The following TIMM23 variants were observed in gnomAD, a reference collection of about 807,000 sequenced individuals.
TIMM23 encodes mitochondrial import inner membrane translocase subunit Tim23.
In TIMM23, 19 loss-of-function variants were observed where a neutral mutation model predicts 30.7. The observed-to-expected ratio is 0.62, with a 90% CI of 0.43 to 0.91. TIMM23 has a LOEUF of 0.91. TIMM23 is among the 40% of genes least tolerant of loss of function. The probability of loss-of-function intolerance (pLI) is 0.00; values close to 1 mark genes in which losing one functional copy is unlikely to be tolerated. For missense variants in TIMM23, 202 were observed against 269.2 expected, an observed-to-expected ratio of 0.75 and a Z score of 1.75; for synonymous variants, 78 against 98.5, an observed-to-expected ratio of 0.79 and a Z score of 1.23.
chr10:45,994,893 A>C lies in TIMM23; in HGVS notation c.514+6046A>C, dbSNP rs1361611157. Among the ~76,000 whole-genome samples the C allele has an allele frequency of 5.7e-3, 869 of 151,600 alleles. 7 individuals carry two copies. The highest frequency in any genetic ancestry group is 0.011 in the South Asian group (55 of 4,828). The stretch of plus-strand genomic sequence containing the variant: ...TCATTTCCAAATCTATGAATCTGGA[A>C]GTTGAAGTTATATTTGTATTCCCAC... On this transcript the variant is annotated intron_variant, in intron 6 of 6. Coordinates refer to ENST00000580018, the MANE Select transcript of TIMM23 (RefSeq NM_006327.4).
chr10:45,991,052 G>A (rs1435433835), intron 6 of TIMM23, among the ~76,000 whole-genome samples: 5 of 152,150 alleles, frequency 3.3e-5, no homozygotes, highest in Admixed American at 1.3e-4. Context: ...TCCAAAGCCC[G>A]TTGTCTTTCT....
chr10:45,976,446 A>C (rs1182355594), intron 2 of TIMM23, among the ~76,000 whole-genome samples: 3 of 142,788 alleles, frequency 2.1e-5, no homozygotes. Context: ...CGCTGTTTCT[A>C]CTAAAAATAC....
At position 45,985,885 on chromosome 10, in the gene TIMM23, T is replaced by C. The variant is rs1837975442; in HGVS notation, c.403+444T>C. 2.0e-5 allele frequency among the ~76,000 whole-genome samples: 3 copies of C among 152,350 alleles called. No individual in the cohort carries two copies. The South Asian group carries it at 6.2e-4, about 32-fold the overall frequency. ...ACCTGAGTAGATTTCAGGCACCTAA[T>C]TGCCACAATTGGAATAGGTTCCTTG... is the stretch of plus-strand genomic sequence containing the variant. On this transcript the variant is annotated intron_variant, in intron 5 of 6. Transcript: ENST00000580018.
intron 5 of TIMM23, among the ~76,000 whole-genome samples, chr10:45,988,236 C>T (rs4935236): frequency 2.6e-5 from 4 of 152,194 alleles, no homozygotes; most frequent in African/African-American, 9.7e-5. Context: ...GGCACAGAAA[C>T]CCAGCAAGGC....
chr10:45,978,288 G>A (rs1837738724), intron 2 of TIMM23, among the ~76,000 whole-genome samples: 1 of 152,194 alleles, frequency 6.6e-6, no homozygotes, highest in Admixed American at 6.5e-5. Flanking sequence ...AGCAGGTCAA[G>A]TCTCAGCATA....
intron 6 of TIMM23, among the ~76,000 whole-genome samples, chr10:45,990,378 C>T (rs1309148408): frequency 6.6e-6 from 1 of 152,022 alleles, no homozygotes; most frequent in East Asian, 1.9e-4. Flanking sequence ...CCTCCTCAGC[C>T]TCCCAAGTGC....
At chr10:45,978,782 C>T (rs1341240229) in intron 2 of TIMM23, among the ~76,000 whole-genome samples, 90,963 of 151,568 alleles carry the variant, frequency 0.6, 27,689 homozygotes, top group Admixed American at 0.68. Context: ...ATTTCACTTG[C>T]GTATACTCCA....
intron 1 of TIMM23, among the ~76,000 whole-genome samples, chr10:45,973,117 A>G (rs868963072): frequency 0.028 from 4,322 of 152,272 alleles, 201 homozygotes; most frequent in African/African-American, 0.098. Context: ...ACACAGCGAC[A>G]TATTCTGAGC....
intron 4 of TIMM23, 24 bp downstream of exon 4, chr10:45,982,954 T>C (rs1416294651): frequency 6.2e-7 from 1 of 1,613,842 alleles, no homozygotes; most frequent in Non-Finnish European, 8.5e-7. Flanking sequence ...AACCATCTGA[T>C]GTAGTGATAC....
At chr10:45,996,774 G>A (rs1254246704) in intron 6 of TIMM23, among the ~76,000 whole-genome samples, 1 of 151,926 alleles carries the variant, frequency 6.6e-6, no homozygotes, top group Non-Finnish European at 1.5e-5. Flanking sequence ...TTGAGTCCAG[G>A]AGTGTAAGGG....
intron 6 of TIMM23, chr10:45,992,641 T>A: frequency 2.4e-6 from 1 of 410,556 alleles, no homozygotes. Context: ...CATTACAACC[T>A]CCACCTCCCG....
intron 4 of TIMM23, among the ~76,000 whole-genome samples, chr10:45,985,074 T>TTA (rs1255269385): frequency 1.3e-5 from 2 of 152,056 alleles, no homozygotes; most frequent in South Asian, 2.1e-4. Context: ...ATTCAAAGCC[T>TTA]TATATATATT....
In TIMM23 at chr10:45,982,549, C is replaced by T. The variant is rs1338510675; in HGVS notation, c.192C>T (p.Thr64=). The change falls in exon 3 of 7, where the codon ACC becomes ACT. Residue 64 remains threonine, a synonymous_variant. Coordinates refer to ENST00000580018, the MANE Select transcript of TIMM23 (RefSeq NM_006327.4). Reference sequence around the variant, plus strand: ...ATACAGATGAGTTTATTTTACCTACCGGAGCTAATAAAACCCGGGGCAGAT... The same window carrying T: ...ATACAGATGAGTTTATTTTACCTACTGGAGCTAATAAAACCCGGGGCAGAT... ...VQDTDEFILP[T]GANKTRGRFE... 2.6e-3 allele frequency: 4,248 copies of T among 1,613,774 alleles called. 30 individuals carry two copies. Among genetic ancestry groups the T allele is most frequent in the East Asian group, 0.014 (634 of 44,866 alleles).
At chr10:45,986,780 CTA>C (rs1554914834) in intron 5 of TIMM23, among the ~76,000 whole-genome samples, 4 of 147,904 alleles carry the variant, frequency 2.7e-5, no homozygotes. Context: ...TTTTTTTAAT[CTA>C]TTTTTTCTTA....
chr10:45,994,634 G>T (rs1316743966), intron 6 of TIMM23, among the ~76,000 whole-genome samples: 25 of 131,920 alleles, frequency 1.9e-4, no homozygotes, highest in Admixed American at 1.1e-3. Flanking sequence ...TAGAGACGGG[G>T]TTTCACCATG....
intron 6 of TIMM23, among the ~76,000 whole-genome samples, chr10:45,991,071 C>T (rs1838150275): frequency 6.6e-6 from 1 of 152,180 alleles, no homozygotes; most frequent in Non-Finnish European, 1.5e-5. Flanking sequence ...CTCACCAAAC[C>T]AAATTACCTC....
chr10:45,976,926 G>T (rs199706645), intron 2 of TIMM23, among the ~76,000 whole-genome samples: 6 of 152,182 alleles, frequency 3.9e-5, no homozygotes, highest in African/African-American at 1.4e-4. Flanking sequence ...TCAGCAAGTT[G>T]CAGAATACAA....
intron 6 of TIMM23, among the ~76,000 whole-genome samples, chr10:45,998,030 G>C (rs1465101912): frequency 6.6e-6 from 1 of 152,166 alleles, no homozygotes; most frequent in African/African-American, 2.4e-5. Flanking sequence ...AGGTAAGGCT[G>C]TTCCTATAGA....
chr10:45,972,780 A>G lies in TIMM23; in HGVS notation c.106+50A>G, dbSNP rs781966432. ...TTATTTCTGACTGGTTTTTGCGTCT[A>G]CACTAAGTTGCGCGTCCCATGTTTT... On this transcript the variant is annotated intron_variant, in intron 1 of 6. Coordinates refer to ENST00000580018, the MANE Select transcript of TIMM23 (RefSeq NM_006327.4). 12 of 1,605,596 alleles carry G rather than the reference A, an allele frequency of 7.5e-6. No individual in the cohort carries two copies. In the African/African-American group the frequency reaches 1.3e-4, roughly 18 times the overall value.
Sources: allele counts gnomAD v4.1 joint callset (sites outside exome capture counted in the v4.1 genomes callset), GRCh38; gene constraint gnomAD v4.1.1; transcripts MANE v1.5; gene names NCBI Gene and HGNC (gene_info 2026-07-23, HGNC 2026-07-21).